Variants in RTN4RL1 observed in about 807,000 individuals in gnomAD.
RTN4RL1 encodes reticulon 4 receptor like 1.
In RTN4RL1, 7 loss-of-function variants were observed where a neutral mutation model predicts 25.6. The ratio of observed to expected loss-of-function variants is 0.27; its 90% CI spans 0.16 to 0.51. The LOEUF is 0.51. Ranked by LOEUF, RTN4RL1 falls within the 20% of genes least tolerant of loss-of-function variation. The pLI, the probability that RTN4RL1 is intolerant of heterozygous loss-of-function variation, is 0.97. For missense variants in RTN4RL1, 500 were observed against 615.6 expected, an observed-to-expected ratio of 0.81 and a Z score of 1.99; for synonymous variants, 297 against 288.2, an observed-to-expected ratio of 1.03 and a Z score of -0.31.
intron 1 of RTN4RL1, among the ~76,000 whole-genome samples, chr17:1,964,123 G>A (rs1418888158): frequency 6.6e-6 from 1 of 152,196 alleles, no homozygotes; most frequent in Admixed American, 6.5e-5. Flanking sequence ...ACAGTCTGGG[G>A]CTGCGCTGTC....
At chr17:1,979,628 C>T (rs1322762626) in intron 1 of RTN4RL1, among the ~76,000 whole-genome samples, 1 of 152,212 alleles carries the variant, frequency 6.6e-6, no homozygotes, top group African/African-American at 2.4e-5. Context: ...AGTAGCATTC[C>T]CCATGGGAGT....
intron 1 of RTN4RL1, among the ~76,000 whole-genome samples, chr17:1,975,963 A>C (rs1213644111): frequency 2.6e-5 from 4 of 152,240 alleles, no homozygotes; most frequent in Non-Finnish European, 5.9e-5. Context: ...GCCGTGAGAA[A>C]CGCCATCCCT....
At chr17:1,943,130 C>T (rs116157732) in intron 1 of RTN4RL1, among the ~76,000 whole-genome samples, 385 of 152,330 alleles carry the variant, frequency 2.5e-3, no homozygotes, top group African/African-American at 8.5e-3. Context: ...CCAACCAAGG[C>T]GGACCCAGCC....
At chr17:2,010,985 C>T (rs1335584306) in intron 1 of RTN4RL1, among the ~76,000 whole-genome samples, 1 of 152,192 alleles carries the variant, frequency 6.6e-6, no homozygotes, top group Non-Finnish European at 1.5e-5. Context: ...GGCGCGGTAG[C>T]TCACACCTGT....
intron 1 of RTN4RL1, among the ~76,000 whole-genome samples, chr17:1,947,400 TCA>T: frequency 6.6e-6 from 1 of 152,300 alleles, no homozygotes; most frequent in East Asian, 1.9e-4. Context: ...CGTGCCTCGC[TCA>T]CCCTCCTGAA....
chr17:1,938,062 C>A (rs1248011178), intron 1 of RTN4RL1, among the ~76,000 whole-genome samples: 1 of 152,162 alleles, frequency 6.6e-6, no homozygotes, highest in Non-Finnish European at 1.5e-5. Flanking sequence ...CACCCCCACA[C>A]CTCCTTAGTT....
intron 1 of RTN4RL1, chr17:2,001,549 T>C (rs2066957914): frequency 6.6e-6 from 1 of 152,200 alleles, no homozygotes; most frequent in African/African-American, 2.4e-5. Context: ...CCCGGCCTTA[T>C]TTGATCCTCT....
intron 1 of RTN4RL1, among the ~76,000 whole-genome samples, chr17:1,978,684 CG>C (rs2066854322): frequency 6.6e-6 from 1 of 152,134 alleles, no homozygotes; most frequent in Non-Finnish European, 1.5e-5. Flanking sequence ...GTAGTGCGCA[CG>C]GAGCATGGAG....
At chr17:1,975,936 C>T (rs1186168194) in intron 1 of RTN4RL1, among the ~76,000 whole-genome samples, 2 of 152,162 alleles carry the variant, frequency 1.3e-5, no homozygotes, top group Non-Finnish European at 2.9e-5. Context: ...AACAGTAGCC[C>T]GTACAAATAC....
intron 1 of RTN4RL1, among the ~76,000 whole-genome samples, chr17:1,961,801 A>G (rs2066763383): frequency 7.1e-6 from 1 of 140,810 alleles, no homozygotes; most frequent in Non-Finnish European, 1.6e-5. Context: ...AAAAAAAATT[A>G]GCAGGGCGTG....
In RTN4RL1 at chr17:1,998,866, C is replaced by T. The variant is rs1428350710; in HGVS notation, c.13+25987G>A. Among the ~76,000 whole-genome samples, 1 of 151,864 alleles carries T rather than the reference C, an allele frequency of 6.6e-6. No homozygotes were observed. Among genetic ancestry groups the T allele is most frequent in the East Asian group, 1.9e-4 (1 of 5,166 alleles). ...ACTTTCCCGGCAGCCGAAGACGACC[C>T]CGGAGCCCCTTTATTCTCTACGCGC... On this transcript the variant is annotated intron_variant, in intron 1 of 1. Transcript: ENST00000331238. This position sits in a 1 kb window ranked among gnomAD's most constrained non-coding sequence, Gnocchi z 4.9.
chr17:1,960,543 T>C (rs1447102959), intron 1 of RTN4RL1, among the ~76,000 whole-genome samples: 1 of 152,194 alleles, frequency 6.6e-6, no homozygotes, highest in Non-Finnish European at 1.5e-5. Flanking sequence ...CTTTGTTTTC[T>C]TGTAAAATAT....
intron 1 of RTN4RL1, among the ~76,000 whole-genome samples, chr17:2,024,552 G>A (rs923882441): frequency 1.9e-4 from 29 of 152,178 alleles, no homozygotes; most frequent in Admixed American, 1.6e-3. Flanking sequence ...CAAAGCAAAG[G>A]TCCCAGGAGG....
At chr17:2,021,133 G>T (rs1490475094) in intron 1 of RTN4RL1, among the ~76,000 whole-genome samples, 1 of 152,168 alleles carries the variant, frequency 6.6e-6, no homozygotes, top group East Asian at 1.9e-4. Context: ...CACAGAGGTG[G>T]GGCTGTGGCC....
chr17:1,990,209 A>T (rs1299260516), intron 1 of RTN4RL1, among the ~76,000 whole-genome samples: 1 of 152,096 alleles, frequency 6.6e-6, no homozygotes, highest in African/African-American at 2.4e-5. Flanking sequence ...AAAATAAAAA[A>T]TTAGCCGGGC....
intron 1 of RTN4RL1, among the ~76,000 whole-genome samples, chr17:1,981,466 CTT>C (rs1474626603): frequency 6.6e-6 from 1 of 152,186 alleles, no homozygotes; most frequent in Non-Finnish European, 1.5e-5. Context: ...TTTCCAGAGA[CTT>C]TAGGGAAAGG....
At chr17:1,983,869 G>GT (rs1223597100) in intron 1 of RTN4RL1, among the ~76,000 whole-genome samples, 9 of 152,074 alleles carry the variant, frequency 5.9e-5, no homozygotes, top group Non-Finnish European at 1.0e-4. Context: ...CTCATGACTC[G>GT]TTTTCATAAC....
In RTN4RL1 at chr17:1,998,246, C is replaced by T. The variant is rs182990104; in HGVS notation, c.13+26607G>A. On this transcript the variant is annotated intron_variant, in intron 1 of 1. Transcript: ENST00000331238. The surrounding 1 kb of genome is among the most constrained non-coding windows in gnomAD (Gnocchi z 4.9). Reference sequence around the variant, plus strand: ...GGGCTGTCGCATTGATCCGGAGCTGCAGGGCGAGGGCGGTGCCCAGACCCG... The same window carrying T: ...GGGCTGTCGCATTGATCCGGAGCTGTAGGGCGAGGGCGGTGCCCAGACCCG... Among the ~76,000 whole-genome samples the T allele has an allele frequency of 1.8e-3, 267 of 152,272 alleles. 1 individual carries two copies. Among genetic ancestry groups the T allele is most frequent in the African/African-American group, 6.2e-3 (257 of 41,578 alleles).
In RTN4RL1 at chr17:1,936,147, G is replaced by T; in HGVS notation, c.*349C>A. 9.1e-7 allele frequency: 1 copy of T among 1,100,034 alleles called. No homozygotes were observed. Among genetic ancestry groups the T allele is most frequent in the Non-Finnish European group, 1.1e-6 (1 of 902,418 alleles). 68.1% of individuals were successfully genotyped at this position (1,100,034 alleles called of 1,614,324 possible). On this transcript the variant is annotated 3_prime_UTR_variant, in exon 2 of 2. Transcript: ENST00000331238. ...CCCTCCAGACCTCTCGGAACGATCG[G>T]GATTCCACAGAGCCCCGGTGCCGCC...
Sources: allele counts gnomAD v4.1 joint callset (sites outside exome capture counted in the v4.1 genomes callset), GRCh38; gene constraint gnomAD v4.1.1; non-coding constraint Gnocchi (gnomAD v3.1); transcripts MANE v1.5; gene names NCBI Gene and HGNC (gene_info 2026-07-23, HGNC 2026-07-21).